The following RADIL variants were observed in gnomAD, a reference collection of about 807,000 sequenced individuals.
RADIL encodes Rap associating with DIL domain, also known as ras-associating and dilute domain-containing protein.
In RADIL, 99 loss-of-function variants were observed where a neutral mutation model predicts 97.6. The ratio of observed to expected loss-of-function variants is 1.01; its 90% CI spans 0.86 to 1.20. The LOEUF (loss-of-function observed/expected upper bound fraction) is 1.20, where lower values mean the gene tolerates loss of function less well. RADIL is among the 50% of genes most tolerant of loss of function. The pLI, the probability that RADIL is intolerant of heterozygous loss-of-function variation, is 0.00. For missense variants in RADIL, 1,765 were observed against 1,498.9 expected, an observed-to-expected ratio of 1.18 and a Z score of -2.93; for synonymous variants, 803 against 691.8, an observed-to-expected ratio of 1.16 and a Z score of -2.52.
chr7:4,834,154 G>A lies in RADIL; in HGVS notation c.1416+453C>T, dbSNP rs1047244516. Among the ~76,000 whole-genome samples the A allele has an allele frequency of 1.3e-5, 2 of 152,158 alleles. No individual in the cohort carries two copies. The highest frequency in any genetic ancestry group is 6.5e-5 in the Admixed American group (1 of 15,284). ...TCAGGGATGGCTCCAGCGGGTATGT[G>A]CTCAACCGGCCCCTGGCAGCAAGCA... On this transcript the variant is annotated intron_variant, in intron 4 of 14. Coordinates refer to ENST00000399583, the MANE Select transcript of RADIL (RefSeq NM_018059.5). This position sits in a 1 kb window ranked among gnomAD's most constrained non-coding sequence, Gnocchi z 6.0.
chr7:4,804,015 C>G lies in RADIL; in HGVS notation c.2291-261G>C, dbSNP rs1194630743. On this transcript the variant is annotated intron_variant, in intron 10 of 14. Transcript: ENST00000399583. ...ACAAGGCCTTGTAGCCAGGAACCCT[C>G]CAGCCCCACTGAGCCGCTCTGCACT... 7.3e-6 allele frequency: 4 copies of G among 547,658 alleles called. No individual in the cohort carries two copies. In the African/African-American group the frequency reaches 7.5e-5, roughly 10 times the overall value. The allele number at this position is 547,658 out of a possible 1,614,324, so 33.9% of individuals were successfully genotyped here.
rs1408295812 is a variant in RADIL, at chr7:4,800,255, G to A, written c.2898C>T (p.Ser966=). ...AGACGTAGCAGAAGTCCTCGGTGCT[G>A]GAGCTGCGGCTGGACGGGGCTGGAG... ...ESPPAPSSRS[S]STEDFCYVFT... The change falls in exon 13 of 15, where the codon TCC becomes TCT. Residue 966 remains serine (S), a synonymous_variant. Transcript: ENST00000399583. 1.3e-6 allele frequency: 2 copies of A among 1,565,052 alleles called. No homozygotes were observed. Among genetic ancestry groups the A allele is most frequent in the Non-Finnish European group, 1.7e-6 (2 of 1,158,636 alleles).
chr7:4,804,384 C>T (rs1003451204), intron 10 of RADIL, among the ~76,000 whole-genome samples: 10 of 152,252 alleles, frequency 6.6e-5, no homozygotes, highest in African/African-American at 2.4e-4. Flanking sequence ...TGCGGGGGGG[C>T]ATCCAAGGCC....
intron 9 of RADIL, chr7:4,809,053 G>A: frequency 1.1e-6 from 1 of 874,622 alleles, no homozygotes; most frequent in African/African-American, 2.9e-5. Flanking sequence ...CTGCCCCCCC[G>A]TTCCAATGCC....
intron 5 of RADIL, among the ~76,000 whole-genome samples, chr7:4,831,184 C>A (rs1783129606): frequency 6.7e-6 from 1 of 148,892 alleles, no homozygotes; most frequent in East Asian, 2.0e-4. Flanking sequence ...AGAGCGAAAC[C>A]CCATCTCAAA....
At chr7:4,861,505 G>T (rs770891332) in intron 2 of RADIL, 1 of 1,614,090 alleles carries the variant, frequency 6.2e-7, no homozygotes, top group East Asian at 2.2e-5. Flanking sequence ...ATCTGTAAGA[G>T]CCAAACGTAA....
chr7:4,865,347 T>A (rs1784107437), intron 2 of RADIL: 1 of 568,370 alleles, frequency 1.8e-6, no homozygotes, highest in African/African-American at 1.9e-5. Context: ...ATTTTTACTG[T>A]TTCTTTTCTG....
At position 4,813,327 on chromosome 7, in the gene RADIL, C is replaced by T. The variant is rs1340491626; in HGVS notation, c.2139+1951G>A. On this transcript the variant is annotated intron_variant, in intron 9 of 14. Coordinates refer to ENST00000399583, the MANE Select transcript of RADIL (RefSeq NM_018059.5). This position sits in a 1 kb window ranked among gnomAD's most constrained non-coding sequence, Gnocchi z 5.0. ...GCCTGGTGTTTACTTCCCAAGGGGTCCTGGACTCGTCATCTCTGTCTCCTC... is the reference window on the plus strand; with the variant it reads ...GCCTGGTGTTTACTTCCCAAGGGGTTCTGGACTCGTCATCTCTGTCTCCTC... Among the ~76,000 whole-genome samples the T allele has an allele frequency of 6.6e-6, 1 of 152,168 alleles. No individual in the cohort carries two copies. The highest frequency in any genetic ancestry group is 1.5e-5 in the Non-Finnish European group (1 of 68,036).
Position 4,879,525 on chromosome 7 carries a change from G to T in RADIL, c.-64-1322C>A, listed in dbSNP as rs1784441366. On this transcript the variant is annotated intron_variant, in intron 1 of 14. Coordinates refer to ENST00000399583, the MANE Select transcript of RADIL (RefSeq NM_018059.5). This position sits in a 1 kb window ranked among gnomAD's most constrained non-coding sequence, Gnocchi z 4.1. ...AGGAGGAAAGCCTATTTTCTGGAAA[G>T]CTCTGGAAAGAGTGGTCCAGGTCCC... is the stretch of plus-strand genomic sequence containing the variant. Among the ~76,000 whole-genome samples, 1 of 152,218 alleles carries T rather than the reference G, an allele frequency of 6.6e-6. No homozygotes were observed.
chr7:4,832,975 A>G (rs1783190113), intron 4 of RADIL, among the ~76,000 whole-genome samples: 1 of 152,272 alleles, frequency 6.6e-6, no homozygotes, highest in South Asian at 2.1e-4. Context: ...CAGTGGGTGC[A>G]GGGGGAAGAG....
chr7:4,804,092 C>T (rs1782210863), intron 10 of RADIL: 1 of 358,698 alleles, frequency 2.8e-6, no homozygotes, highest in Admixed American at 3.7e-5. Flanking sequence ...GTAACTGGAG[C>T]TCCCCCAGCC....
intron 5 of RADIL, among the ~76,000 whole-genome samples, chr7:4,828,827 G>C (rs985659218): frequency 1.6e-4 from 24 of 152,348 alleles, no homozygotes; most frequent in Non-Finnish European, 2.8e-4. Context: ...CACACAGCAC[G>C]AGCGGGCAGC....
chr7:4,807,647 TTCTC>T (rs138969554), intron 9 of RADIL, among the ~76,000 whole-genome samples: 4,066 of 38,194 alleles, frequency 0.11, 322 homozygotes, highest in African/African-American at 0.18. Flanking sequence ...CTCCCGCTCC[TTCTC>T]TCTCTCTGTC....
chr7:4,852,957 A>T (rs1378124681), intron 2 of RADIL, among the ~76,000 whole-genome samples: 1 of 152,200 alleles, frequency 6.6e-6, no homozygotes, highest in East Asian at 1.9e-4. Flanking sequence ...CCACAGATGG[A>T]AAGAAATAGC....
Position 4,837,252 on chromosome 7 carries a change from G to A in RADIL, c.536-647C>T, listed in dbSNP as rs1011203868. On this transcript the variant is annotated intron_variant, in intron 2 of 14. Coordinates refer to ENST00000399583, the MANE Select transcript of RADIL (RefSeq NM_018059.5). This position sits in a 1 kb window ranked among gnomAD's most constrained non-coding sequence, Gnocchi z 5.6. ...CGACCAGCCAGCACCACGGCCCACA[G>A]GCCTCAAACCACAGACGTTTTCCCA... Among the ~76,000 whole-genome samples the A allele has an allele frequency of 6.6e-6, 1 of 152,166 alleles. No individual in the cohort carries two copies. Among genetic ancestry groups the A allele is most frequent in the African/African-American group, 2.4e-5 (1 of 41,430 alleles).
At position 4,800,192 on chromosome 7, in the gene RADIL, C is replaced by T. The variant is rs771552945; in HGVS notation, c.2961G>A (p.Gly987=). ...VELERGPSGL[G]MGLIDGMHTH... Reference sequence around the variant, plus strand: ...TCACCATCCCGTCGATCAGGCCCATCCCCAGCCCGGAGGGGCCTCGTTCCA... The same window carrying T: ...TCACCATCCCGTCGATCAGGCCCATTCCCAGCCCGGAGGGGCCTCGTTCCA... The change falls in exon 13 of 15, where the codon GGG becomes GGA. Residue 987 remains glycine, a synonymous_variant. Transcript: ENST00000399583. The T allele has an allele frequency of 9.9e-6, 16 of 1,609,124 alleles. No homozygotes were observed. In the East Asian group the frequency reaches 3.6e-4, roughly 36 times the overall value.
intron 1 of RADIL, among the ~76,000 whole-genome samples, chr7:4,881,792 T>C (rs955817464): frequency 2.0e-5 from 3 of 151,512 alleles, no homozygotes; most frequent in Non-Finnish European, 4.4e-5. Context: ...TGAGTTGATA[T>C]TTGGGGCCCA....
At chr7:4,812,721 C>A (rs1782579513) in intron 9 of RADIL, among the ~76,000 whole-genome samples, 1 of 152,186 alleles carries the variant, frequency 6.6e-6, no homozygotes. Flanking sequence ...CACACCCAGC[C>A]TCTTATTCAA....
At chr7:4,801,530 G>T in intron 12 of RADIL, 123 bp downstream of exon 12, 1 of 1,068,698 alleles carries the variant, frequency 9.4e-7, no homozygotes, top group Non-Finnish European at 1.3e-6. Flanking sequence ...TCAGGTTGCA[G>T]GTGTCTGTGG....
Sources: allele counts gnomAD v4.1 joint callset (sites outside exome capture counted in the v4.1 genomes callset), GRCh38; gene constraint gnomAD v4.1.1; non-coding constraint Gnocchi (gnomAD v3.1); transcripts MANE v1.5; gene names NCBI Gene and HGNC (gene_info 2026-07-23, HGNC 2026-07-21).